Variants in RYR3 observed in about 807,000 individuals in gnomAD.
The protein encoded by RYR3 is ryanodine receptor 3.
RYR3 carries 207 observed loss-of-function variants against 584.3 expected under a neutral mutation model. The observed-to-expected ratio is 0.35, with a 90% confidence interval of 0.32 to 0.40. The LOEUF is 0.40. Ranked by LOEUF, RYR3 falls within the 10% of genes least tolerant of loss-of-function variation. RYR3 has a pLI of 1.00. For missense variants in RYR3, 5,616 were observed against 6,089.2 expected (o/e 0.92, Z 2.59); for synonymous variants, 2,416 against 2,248.5 (o/e 1.07, Z -2.11).
chr15:33,485,434 A>AAG (rs1222345959), intron 2 of RYR3, among the ~76,000 whole-genome samples: 1 of 152,188 alleles, frequency 6.6e-6, no homozygotes, highest in Admixed American at 6.5e-5. Flanking sequence ...TGGAAAAGAG[A>AAG]AGAGAGGAGA....
chr15:33,750,337 A>G (rs1406832928), intron 57 of RYR3, 51 bp downstream of exon 57: 21 of 1,580,796 alleles, frequency 1.3e-5, no homozygotes, highest in South Asian at 2.3e-5. Flanking sequence ...GCCTCCCTAG[A>G]TATTTAATTA....
intron 26 of RYR3, 142 bp from the exon 27 acceptor site, chr15:33,636,234 C>T (rs1199200075): frequency 2.7e-6 from 2 of 746,300 alleles, no homozygotes; most frequent in South Asian, 3.5e-5. Flanking sequence ...TAGACCACTC[C>T]TCCTTGTTGG....
intron 38 of RYR3, among the ~76,000 whole-genome samples, chr15:33,692,958 G>A (rs1328056826): frequency 6.6e-6 from 1 of 152,194 alleles, no homozygotes; most frequent in South Asian, 2.1e-4. Flanking sequence ...CTGTTGAAGA[G>A]AAGATGGTCC....
chr15:33,408,737 C>A (rs936440424), intron 1 of RYR3, among the ~76,000 whole-genome samples: 1 of 152,102 alleles, frequency 6.6e-6, no homozygotes, highest in Non-Finnish European at 1.5e-5. Context: ...TTCAGATACA[C>A]AAATATTTTT....
At chr15:33,451,957 T>C (rs1180886593) in intron 1 of RYR3, among the ~76,000 whole-genome samples, 5 of 152,220 alleles carry the variant, frequency 3.3e-5, no homozygotes, top group Admixed American at 3.3e-4. Context: ...GGTGACTTTT[T>C]AAAAATTAAA....
rs1357269602 is a variant in RYR3 at position 33,662,365 on chromosome 15, G to A, written c.4835G>A (p.Ser1612Asn). ...TCTGGTTTCTATGACCTGCTCATCAGCATCCACCTGGCCAGCGCCAAGGAG... is the reference window on the plus strand; with the variant it reads ...TCTGGTTTCTATGACCTGCTCATCAACATCCACCTGGCCAGCGCCAAGGAG... ...LRSGFYDLLI[S>N]IHLASAKERK... Residue 1612 changes from serine (S) to asparagine (N), a missense_variant, in exon 35 of 104, where the codon AGC becomes AAC. By Grantham distance (46) the Ser-to-Asn change is conservative (BLOSUM62 1). Around this residue, in one of 9 missense-constraint regions of RYR3, gnomAD observed 753 missense variants for 741.0 expected, o/e 1.02. Transcript: ENST00000634891. The A allele has an allele frequency of 7.4e-6, 12 of 1,612,994 alleles. No homozygotes were observed. The highest frequency in any genetic ancestry group is 1.1e-5 in the South Asian group (1 of 90,776).
chr15:33,742,280 C>A, intron 51 of RYR3, 86 bp from the exon 52 acceptor site: 1 of 835,492 alleles, frequency 1.2e-6, no homozygotes, highest in South Asian at 1.4e-5. Flanking sequence ...CTTCTGACAG[C>A]TGGTTGATTG....
At chr15:33,379,683 CTCTCTATA>C (rs1221446053) in intron 1 of RYR3, among the ~76,000 whole-genome samples, 3 of 116,888 alleles carry the variant, frequency 2.6e-5, no homozygotes, top group African/African-American at 1.3e-4. Context: ...CTCTCTCTCT[CTCTCTATA>C]TATATATATA....
intron 1 of RYR3, among the ~76,000 whole-genome samples, chr15:33,396,323 G>A (rs138212423): frequency 2.6e-5 from 4 of 152,166 alleles, no homozygotes; most frequent in East Asian, 1.9e-4. Flanking sequence ...TTCCAAACCC[G>A]TCAGTGTTTT....
chr15:33,517,566 A>G (rs1391880313), intron 3 of RYR3, among the ~76,000 whole-genome samples: 2 of 152,130 alleles, frequency 1.3e-5, no homozygotes, highest in African/African-American at 4.8e-5. Flanking sequence ...GGATACTGAG[A>G]TCCTCCTTGC....
intron 1 of RYR3, among the ~76,000 whole-genome samples, chr15:33,443,110 T>C (rs1354609033): frequency 6.6e-6 from 1 of 151,920 alleles, no homozygotes. Context: ...AAATACAAAA[T>C]TAGCTGGGTG....
chr15:33,433,639 T>G (rs1372102365), intron 1 of RYR3, among the ~76,000 whole-genome samples: 1 of 152,172 alleles, frequency 6.6e-6, no homozygotes, highest in South Asian at 2.1e-4. Flanking sequence ...AAGTAACAAG[T>G]TTCACATGAT....
At chr15:33,734,429 A>G (rs1024068212) in intron 48 of RYR3, among the ~76,000 whole-genome samples, 1 of 152,148 alleles carries the variant, frequency 6.6e-6, no homozygotes, top group African/African-American at 2.4e-5. Context: ...AAATGGAGTA[A>G]ATAATGAGTT....
chr15:33,599,222 C>T (rs768465905), intron 16 of RYR3, among the ~76,000 whole-genome samples: 48 of 152,282 alleles, frequency 3.2e-4, no homozygotes, highest in Non-Finnish European at 6.0e-4. Flanking sequence ...GGAGATTTGT[C>T]AAAGGTCAGG....
chr15:33,627,952 C>T, intron 20 of RYR3, among the ~76,000 whole-genome samples: 1 of 152,094 alleles, frequency 6.6e-6, no homozygotes, highest in East Asian at 1.9e-4. Flanking sequence ...AATAGGATGA[C>T]TTCCAGGCTT....
chr15:33,566,679 T>C lies in RYR3; in HGVS notation c.1148T>C (p.Val383Ala). 3 of 1,613,636 alleles carry C rather than the reference T, an allele frequency of 1.9e-6. No homozygotes were observed. Among genetic ancestry groups the C allele is most frequent in the Non-Finnish European group, 2.5e-6 (3 of 1,179,638 alleles). ...TSRLGPLKRK[V>A]ILHQEGHMDD... ...TCCCGTCCCTTGCCCTGTGGGTAGGTCATACTCCATCAGGAAGGCCACATG... is the reference window on the plus strand; with the variant it reads ...TCCCGTCCCTTGCCCTGTGGGTAGGCCATACTCCATCAGGAAGGCCACATG... Residue 383 changes from valine to alanine, a missense_variant and splice_region_variant, in exon 12 of 104, where the codon GTC (valine) becomes GCC (alanine). Val to Ala is a moderately conservative substitution (Grantham distance 64). Coordinates refer to ENST00000634891, the MANE Select transcript of RYR3 (RefSeq NM_001036.6).
At chr15:33,783,018 G>C (rs1249824720) in intron 65 of RYR3, among the ~76,000 whole-genome samples, 2 of 152,054 alleles carry the variant, frequency 1.3e-5, no homozygotes, top group Non-Finnish European at 2.9e-5. Flanking sequence ...TTTTCTCTTT[G>C]GTTGATTATT....
chr15:33,465,467 C>T (rs1215216724), intron 1 of RYR3, among the ~76,000 whole-genome samples: 1 of 152,126 alleles, frequency 6.6e-6, no homozygotes, highest in East Asian at 1.9e-4. Flanking sequence ...CATATGCTCA[C>T]CAATACTTCA....
intron 88 of RYR3, 27 bp from the exon 89 acceptor site, chr15:33,837,604 G>A (rs1229480601): frequency 2.0e-6 from 3 of 1,533,326 alleles, no homozygotes; most frequent in Admixed American, 4.4e-5. Flanking sequence ...TTGTATATTT[G>A]TATGTCTTTT....
Sources: gnomAD v4.1 joint callset for allele counts (sites outside exome capture counted in the v4.1 genomes callset) on GRCh38, gnomAD v4.1.1 for gene constraint, gnomAD v4.1.1 regional missense constraint, MANE v1.5 for transcripts, NCBI Gene and HGNC (gene_info 2026-07-23, HGNC 2026-07-21) for gene names.